The following PTPN4 variants were observed in gnomAD, a reference collection of about 807,000 sequenced individuals.
PTPN4 encodes the protein tyrosine-protein phosphatase non-receptor type 4.
A neutral mutation model predicts 135.5 loss-of-function variants in PTPN4; 49 were observed. The observed-to-expected ratio is 0.36, with a 90% confidence interval of 0.29 to 0.46. The LOEUF is 0.46. Among genes scored for constraint, PTPN4 ranks in the 20% least tolerant of loss-of-function variants. The pLI is 1.00. For missense variants in PTPN4, 860 were observed against 1,101.0 expected, an observed-to-expected ratio of 0.78 and a Z score of 3.10; for synonymous variants, 333 against 369.9, an observed-to-expected ratio of 0.90 and a Z score of 1.14.
intron 24 of PTPN4, among the ~76,000 whole-genome samples, chr2:119,964,308 A>G (rs947455866): frequency 6.6e-6 from 1 of 152,212 alleles, no homozygotes; most frequent in Non-Finnish European, 1.5e-5. Context: ...GAAACACTGA[A>G]TGCTGTAACT....
At chr2:119,820,057 C>T (rs955158690) in intron 2 of PTPN4, among the ~76,000 whole-genome samples, 1 of 152,162 alleles carries the variant, frequency 6.6e-6, no homozygotes, top group Non-Finnish European at 1.5e-5. Context: ...GACGAAGTCT[C>T]ACTATGTTGT....
intron 13 of PTPN4, among the ~76,000 whole-genome samples, chr2:119,929,774 G>A (rs762546698): frequency 6.6e-6 from 1 of 152,126 alleles, no homozygotes; most frequent in African/African-American, 2.4e-5. Flanking sequence ...TAAGTTCAAA[G>A]TGTCCAGCCA....
chr2:119,926,740 TA>T, intron 13 of PTPN4, 74 bp downstream of exon 13: 2 of 1,158,368 alleles, frequency 1.7e-6, no homozygotes, highest in Non-Finnish European at 2.5e-6. Flanking sequence ...TTTTTCTAAA[TA>T]TTTTTTCTAA....
intron 1 of PTPN4, among the ~76,000 whole-genome samples, chr2:119,800,390 G>A (rs952632004): frequency 5.3e-5 from 8 of 151,366 alleles, no homozygotes; most frequent in Non-Finnish European, 8.8e-5. Context: ...TATCCCATTC[G>A]GTAAAATGTC....
chr2:119,780,688 G>A (rs1005111921), intron 1 of PTPN4, among the ~76,000 whole-genome samples: 1 of 152,148 alleles, frequency 6.6e-6, no homozygotes, highest in Non-Finnish European at 1.5e-5. Context: ...TGACATCAGG[G>A]TGTCTATGAT....
chr2:119,954,553 T>C (rs1045554700), intron 19 of PTPN4, among the ~76,000 whole-genome samples: 8 of 152,326 alleles, frequency 5.3e-5, no homozygotes, highest in African/African-American at 1.9e-4. Flanking sequence ...GCATGTGGGC[T>C]GGGATCTTCA....
chr2:119,898,948 A>G (rs1558758502), intron 9 of PTPN4, among the ~76,000 whole-genome samples: 2 of 152,126 alleles, frequency 1.3e-5, no homozygotes, highest in African/African-American at 2.4e-5. Flanking sequence ...CTCTAATGGT[A>G]TTAGCTTTCC....
At chr2:119,797,910 A>G (rs1208676480) in intron 1 of PTPN4, among the ~76,000 whole-genome samples, 3 of 152,082 alleles carry the variant, frequency 2.0e-5, no homozygotes, top group Non-Finnish European at 2.9e-5. Context: ...CATATCTTTT[A>G]TAGTTCGAAC....
chr2:119,925,642 G>A (rs1353667389), intron 12 of PTPN4, among the ~76,000 whole-genome samples: 2 of 152,194 alleles, frequency 1.3e-5, no homozygotes, highest in African/African-American at 2.4e-5. Context: ...TGTCCCTAAT[G>A]AGTATGCACT....
intron 2 of PTPN4, among the ~76,000 whole-genome samples, chr2:119,849,539 C>A (rs529803755): frequency 1.3e-5 from 2 of 152,094 alleles, no homozygotes; most frequent in Non-Finnish European, 2.9e-5. Flanking sequence ...TGGGCTCAAG[C>A]AATCCACCCA....
intron 1 of PTPN4, among the ~76,000 whole-genome samples, chr2:119,798,569 AAG>A (rs1427512174): frequency 2.0e-5 from 3 of 152,194 alleles, no homozygotes; most frequent in Admixed American, 2.0e-4. Flanking sequence ...TTTTTTCCCA[AAG>A]AGAGAATTTT....
chr2:119,951,826 T>A (rs1226448209), intron 18 of PTPN4, 147 bp from the exon 19 acceptor site: 1 of 646,016 alleles, frequency 1.5e-6, no homozygotes, highest in African/African-American at 1.9e-5. Context: ...GCTAGATTTC[T>A]ACATTTTTTA....
chr2:119,847,122 G>GGCCAA (rs1453665984), intron 2 of PTPN4, among the ~76,000 whole-genome samples: 2 of 148,374 alleles, frequency 1.3e-5, no homozygotes, highest in African/African-American at 4.9e-5. Context: ...CATTTCCATA[G>GGCCAA]GCCAAAACAA....
rs372355174 is a variant in PTPN4 at position 119,810,003 on chromosome 2, G to A, written c.138+12G>A. ...CTTTCAAAGTCAATGTAAGTATTTT[G>A]TGTCTTTTAAAAAATAATCTCTGGC... On this transcript the variant is annotated intron_variant, in intron 2 of 26. Coordinates refer to ENST00000263708, the MANE Select transcript of PTPN4 (RefSeq NM_002830.4). 27 of 1,596,206 alleles carry A rather than the reference G, an allele frequency of 1.7e-5. No individual in the cohort carries two copies. Among genetic ancestry groups the A allele is most frequent in the African/African-American group, 2.7e-5 (2 of 73,836 alleles).
chr2:119,920,355 A>G (rs1172454303), intron 12 of PTPN4, 114 bp downstream of exon 12: 1 of 1,182,452 alleles, frequency 8.5e-7, no homozygotes, highest in Non-Finnish European at 1.2e-6. Context: ...TAACTGAGTC[A>G]AAAATCCCTA....
intron 2 of PTPN4, among the ~76,000 whole-genome samples, chr2:119,844,661 C>G (rs1466185256): frequency 2.0e-5 from 3 of 151,288 alleles, no homozygotes; most frequent in Non-Finnish European, 2.9e-5. Flanking sequence ...GATGGGCGGC[C>G]GGGCAGAGAT....
chr2:119,960,068 T>C (rs2166439), intron 22 of PTPN4, among the ~76,000 whole-genome samples: 40,408 of 152,044 alleles, frequency 0.27, 5,445 homozygotes, highest in South Asian at 0.33. Context: ...TGTTTATATG[T>C]TGTATATAGA....
intron 20 of PTPN4, 149 bp downstream of exon 20, chr2:119,955,472 A>G (rs1679266598): frequency 1.4e-6 from 1 of 691,566 alleles, no homozygotes; most frequent in Non-Finnish European, 2.0e-6. Context: ...TAAAATGCCA[A>G]GTTTTAAAAA....
intron 1 of PTPN4, among the ~76,000 whole-genome samples, chr2:119,760,657 G>A (rs758839598): frequency 1.3e-5 from 2 of 151,868 alleles, no homozygotes; most frequent in Non-Finnish European, 2.9e-5. Flanking sequence ...GAATAGGTGC[G>A]GAGATGGAAT....
Sources: gnomAD v4.1 joint callset for allele counts (sites outside exome capture counted in the v4.1 genomes callset) on GRCh38, gnomAD v4.1.1 for gene constraint, MANE v1.5 for transcripts, NCBI Gene and HGNC (gene_info 2026-07-23, HGNC 2026-07-21) for gene names.